CEP72: variants seen among roughly 807,000 people sequenced by gnomAD.
CEP72 encodes centrosomal protein 72.
CEP72 carries 78 observed loss-of-function variants against 65.7 expected under a neutral mutation model. That is an observed-to-expected ratio of 1.19 (90% CI 0.99 to 1.43). The LOEUF (loss-of-function observed/expected upper bound fraction) is 1.43, where lower values mean the gene tolerates loss of function less well. Among genes scored for constraint, CEP72 ranks in the 40% most tolerant of loss-of-function variants. The probability of loss-of-function intolerance (pLI) is 0.00; values close to 1 mark genes in which losing one functional copy is unlikely to be tolerated. For missense variants in CEP72, 914 were observed against 832.9 expected, an observed-to-expected ratio of 1.10 and a Z score of -1.20; for synonymous variants, 358 against 351.7, an observed-to-expected ratio of 1.02 and a Z score of -0.20.
At chr5:667,934 A>G (rs1739996447), downstream of CEP72, among the ~76,000 whole-genome samples, 2 of 57,966 alleles carry the variant, frequency 3.5e-5, 1 homozygote, top group Non-Finnish European at 5.7e-5. Flanking sequence ...GCACACAGAG[A>G]GGGGGCCGTG....
At chr5:665,939 AGG>A in intron 3 of CEP72, 9 of 230,130 alleles carry the variant, frequency 3.9e-5, no homozygotes, top group African/African-American at 8.8e-5. Flanking sequence ...CACCCCCTCC[AGG>A]CCCCGCCTTC....
In CEP72 at chr5:637,601, GAA is replaced by G; in HGVS notation, c.991_992del (p.Lys331ValfsTer54). On this transcript the variant is annotated frameshift_variant, in exon 7 of 12. Coordinates refer to ENST00000264935, the MANE Select transcript of CEP72 (RefSeq NM_018140.4). LOFTEE classifies it high-confidence loss of function. ...GTGCCTGGTCCCCTGCCAGCCCCCG[GAA>G]AGTGCAGGAAGCGAAGAATGCCTGT... 2 of 1,614,082 alleles carry G rather than the reference GAA, an allele frequency of 1.2e-6. No homozygotes were observed. Among genetic ancestry groups the G allele is most frequent in the African/African-American group, 2.7e-5 (2 of 75,070 alleles).
At chr5:675,215 G>T in the CEP72 span, among the ~76,000 whole-genome samples, 1 of 92,680 alleles carries the variant, frequency 1.1e-5, no homozygotes. Flanking sequence ...AGTGTAGCCG[G>T]GGGTGCAGTG....
intron 1 of CEP72, among the ~76,000 whole-genome samples, chr5:614,451 T>A (rs2126723359): frequency 6.7e-6 from 1 of 148,184 alleles, no homozygotes; most frequent in South Asian, 2.2e-4. Context: ...TGAATTTTTT[T>A]TTTTTTTTTT....
chr5:656,576 A>C (rs562937166), downstream of CEP72, among the ~76,000 whole-genome samples: 1 of 152,208 alleles, frequency 6.6e-6, no homozygotes, highest in Non-Finnish European at 1.5e-5. Flanking sequence ...TCATTTTCCT[A>C]ATTATGTGTT....
Position 624,372 on chromosome 5 carries a change from C to A in CEP72, c.404-99C>A. On this transcript the variant is annotated intron_variant, in intron 3 of 11. Transcript: ENST00000264935. The surrounding 1 kb of genome is among the most constrained non-coding windows in gnomAD (Gnocchi z 4.7). ...TAGGTTAGTGGGAGCAGGGCTGGCC[C>A]CGAGGGGATGGACACCCTGCCCCGT... 1 of 785,840 alleles carries A rather than the reference C, an allele frequency of 1.3e-6. No individual in the cohort carries two copies. The allele number at this position is 785,840 out of a possible 1,614,324, so 48.7% of individuals were successfully genotyped here.
intron 4 of CEP72, among the ~76,000 whole-genome samples, chr5:628,206 T>C (rs560698573): frequency 6.6e-6 from 1 of 152,362 alleles, no homozygotes; most frequent in African/African-American, 2.4e-5. Context: ...ATGGATTTTC[T>C]CAGTTGAGAT....
At chr5:649,340 C>T (rs1253336418) in intron 11 of CEP72, among the ~76,000 whole-genome samples, 3 of 83,598 alleles carry the variant, frequency 3.6e-5, no homozygotes, top group Non-Finnish European at 6.5e-5. Context: ...GACTGTGAGG[C>T]GTGGACTGTG....
At chr5:665,300 C>A in exon 3 of CEP72, 1 of 1,610,634 alleles carries the variant, frequency 6.2e-7, no homozygotes, top group Non-Finnish European at 8.5e-7. Context: ...TGGCTTTCTG[C>A]AAGAGGAGCA....
intron 1 of CEP72, among the ~76,000 whole-genome samples, chr5:615,762 C>T (rs1000786870): frequency 1.3e-5 from 2 of 152,066 alleles, no homozygotes; most frequent in Non-Finnish European, 2.9e-5. Flanking sequence ...TTCCTGCCTG[C>T]TGTGACTTAC....
downstream of CEP72, chr5:659,839 G>C (rs943249889): frequency 3.9e-5 from 6 of 152,538 alleles, no homozygotes; most frequent in African/African-American, 1.4e-4. Flanking sequence ...TTACAGACAC[G>C]TGTGCTCTGA....
intron 9 of CEP72, 65 bp downstream of exon 9, chr5:640,669 G>A: frequency 2.0e-6 from 3 of 1,514,398 alleles, no homozygotes; most frequent in Non-Finnish European, 2.6e-6. Context: ...CTGACTTCCA[G>A]GAACGAGGGC....
At chr5:668,677 G>C (rs989184569), downstream of CEP72, among the ~76,000 whole-genome samples, 2 of 152,274 alleles carry the variant, frequency 1.3e-5, no homozygotes, top group Admixed American at 6.5e-5. Context: ...CAGCAGTCCC[G>C]TTCCTGGGTC....
At position 637,582 on chromosome 5, in the gene CEP72, G is replaced by C; in HGVS notation, c.970G>C (p.Gly324Arg). 6.2e-7 allele frequency: 1 copy of C among 1,614,056 alleles called. No individual in the cohort carries two copies. Among genetic ancestry groups the C allele is most frequent in the Non-Finnish European group, 8.5e-7 (1 of 1,180,030 alleles). ...GGATTTGTCAGGAGAAATGGTGCCTGGTCCCCTGCCAGCCCCCGGAAAGTG... is the reference window on the plus strand; with the variant it reads ...GGATTTGTCAGGAGAAATGGTGCCTCGTCCCCTGCCAGCCCCCGGAAAGTG... ...KLDLSGEMVPGPLPAPGKCRK... is the reference protein window; with the variant it reads ...KLDLSGEMVPRPLPAPGKCRK... The change falls in exon 7 of 12, where the codon GGT becomes CGT. Residue 324 changes from glycine to arginine, a missense_variant. Coordinates refer to ENST00000264935, the MANE Select transcript of CEP72 (RefSeq NM_018140.4).
At chr5:619,989 T>G in intron 2 of CEP72, 80 bp from the exon 3 acceptor site, 1 of 1,147,542 alleles carries the variant, frequency 8.7e-7, no homozygotes, top group South Asian at 1.4e-5. Flanking sequence ...AGTTGGTTGG[T>G]CAGTGTGTGT....
chr5:655,088 G>A (rs534100741), downstream of CEP72, among the ~76,000 whole-genome samples: 29 of 152,252 alleles, frequency 1.9e-4, no homozygotes, highest in Middle Eastern at 6.8e-3. The surrounding 1 kb of genome is among the most constrained non-coding windows in gnomAD (Gnocchi z 5.0). Flanking sequence ...GAGGCTAGGC[G>A]GGGTGGCTCA....
chr5:653,981 G>A (rs1051107287), downstream of CEP72, among the ~76,000 whole-genome samples: 2 of 91,722 alleles, frequency 2.2e-5, no homozygotes, highest in Non-Finnish European at 4.5e-5. Flanking sequence ...CCCTTGCTGT[G>A]TGTGTGTGTG....
Position 645,430 on chromosome 5 carries a change from A to C in CEP72, c.1666+1005A>C, listed in dbSNP as rs1448958117. ...AACGGGTCCTTGAATAACCGTGTCCATTCAACATCATTTCGTCGTAAAGGT... is the reference window on the plus strand; with the variant it reads ...AACGGGTCCTTGAATAACCGTGTCCCTTCAACATCATTTCGTCGTAAAGGT... On this transcript the variant is annotated intron_variant, in intron 10 of 11. Transcript: ENST00000264935. This position sits in a 1 kb window ranked among gnomAD's most constrained non-coding sequence, Gnocchi z 4.0. 6.6e-6 allele frequency among the ~76,000 whole-genome samples: 1 copy of C among 151,058 alleles called. No individual in the cohort carries two copies. Among genetic ancestry groups the C allele is most frequent in the Non-Finnish European group, 1.5e-5 (1 of 67,826 alleles).
At chr5:618,607 G>A (rs997004014) in intron 1 of CEP72, among the ~76,000 whole-genome samples, 4 of 152,148 alleles carry the variant, frequency 2.6e-5, no homozygotes, top group South Asian at 2.1e-4. Flanking sequence ...GCAGGGGCCG[G>A]GGGGAGTTTA....
Sources: allele counts gnomAD v4.1 joint callset (sites outside exome capture counted in the v4.1 genomes callset), GRCh38; gene constraint gnomAD v4.1.1; non-coding constraint Gnocchi (gnomAD v3.1); transcripts MANE v1.5; gene names NCBI Gene and HGNC (gene_info 2026-07-23, HGNC 2026-07-21).